The following ABCC12 variants were observed in gnomAD, a reference collection of about 807,000 sequenced individuals.
The protein encoded by ABCC12 is ATP-binding cassette sub-family C member 12.
A neutral mutation model predicts 151.1 loss-of-function variants in ABCC12; 142 were observed. The ratio of observed to expected loss-of-function variants is 0.94; its 90% confidence interval spans 0.82 to 1.08. ABCC12 has a LOEUF of 1.08. Ranked by LOEUF, ABCC12 falls within the 50% of genes least tolerant of loss-of-function variation. The pLI, the probability that ABCC12 is intolerant of heterozygous loss-of-function variation, is 0.00. For missense variants in ABCC12, 1,638 were observed against 1,691.1 expected (o/e 0.97, Z 0.55); for synonymous variants, 645 against 646.4 (o/e 1.00, Z 0.03).
At chr16:48,117,981 C>A (rs955035924) in intron 13 of ABCC12, among the ~76,000 whole-genome samples, 2 of 152,200 alleles carry the variant, frequency 1.3e-5, no homozygotes, top group African/African-American at 4.8e-5. Flanking sequence ...GCTCTTTGGG[C>A]CTCTTGGCCT....
chr16:48,132,649 G>T (rs1964467183), intron 9 of ABCC12, among the ~76,000 whole-genome samples: 1 of 151,904 alleles, frequency 6.6e-6, no homozygotes, highest in Admixed American at 6.6e-5. Flanking sequence ...GTTATCTTTG[G>T]ATGTCCAGGC....
intron 13 of ABCC12, 147 bp downstream of exon 13, chr16:48,121,569 A>G: frequency 9.0e-7 from 1 of 1,114,784 alleles, no homozygotes; most frequent in Non-Finnish European, 1.2e-6. Flanking sequence ...GAAGAGGAAA[A>G]CCAGTGTCTG....
chr16:48,098,797 T>C (rs1356452174), intron 23 of ABCC12, among the ~76,000 whole-genome samples: 1 of 152,160 alleles, frequency 6.6e-6, no homozygotes, highest in Non-Finnish European at 1.5e-5. Flanking sequence ...AAGAAACTAT[T>C]AAAAGAAGGG....
intron 13 of ABCC12, among the ~76,000 whole-genome samples, chr16:48,117,699 TGGG>T (rs1963934510): frequency 6.6e-6 from 1 of 152,110 alleles, no homozygotes; most frequent in African/African-American, 2.4e-5. Context: ...CTGCAGTTAC[TGGG>T]GATGGCCTCC....
rs775170627 is a variant in ABCC12 at position 48,100,960 on chromosome 16, G to A, written c.2950C>T (p.Arg984Trp). The A allele has an allele frequency of 6.3e-5, 101 of 1,614,090 alleles. No individual in the cohort carries two copies. The highest frequency in any genetic ancestry group is 8.9e-5 in the East Asian group (4 of 44,886). ...GTGATGTGGGTGAACCAGGGTGACCGGCTGACATTCTCCACCTTCTTGAGC... is the reference window on the plus strand; with the variant it reads ...GTGATGTGGGTGAACCAGGGTGACCAGCTGACATTCTCCACCTTCTTGAGC... ...QELKKVENVSRSPWFTHITSS... is the reference protein window; with the variant it reads ...QELKKVENVSWSPWFTHITSS... The change falls in exon 23 of 31, where the codon CGG becomes TGG. Residue 984 changes from arginine to tryptophan, a missense_variant. Transcript: ENST00000311303.
chr16:48,099,927 T>A (rs1429226877), intron 23 of ABCC12, among the ~76,000 whole-genome samples: 1 of 152,124 alleles, frequency 6.6e-6, no homozygotes, highest in Non-Finnish European at 1.5e-5. Context: ...GGGCTTATTG[T>A]TACTGCAGTG....
chr16:48,119,306 T>C (rs1308637119), intron 13 of ABCC12, among the ~76,000 whole-genome samples: 1 of 152,246 alleles, frequency 6.6e-6, no homozygotes, highest in Non-Finnish European at 1.5e-5. Flanking sequence ...GTCATTTCTG[T>C]GCATTTCTTA....
intron 8 of ABCC12, among the ~76,000 whole-genome samples, chr16:48,137,759 G>C (rs1321476966): frequency 6.6e-6 from 1 of 152,224 alleles, no homozygotes; most frequent in African/African-American, 2.4e-5. Flanking sequence ...TTTAAAAAAA[G>C]TAAAACTACA....
At chr16:48,112,549 G>A (rs1366590528) in intron 15 of ABCC12, among the ~76,000 whole-genome samples, 1 of 152,036 alleles carries the variant, frequency 6.6e-6, no homozygotes, top group African/African-American at 2.4e-5. Flanking sequence ...GAGCCAAGAA[G>A]GTGCCACTGC....
At chr16:48,092,757 T>G (rs1025690961) in intron 24 of ABCC12, among the ~76,000 whole-genome samples, 3 of 152,012 alleles carry the variant, frequency 2.0e-5, no homozygotes, top group African/African-American at 7.3e-5. Flanking sequence ...AGCAGGTTGA[T>G]GTGGGAGAGG....
chr16:48,139,458 G>C (rs1246109075), intron 6 of ABCC12, 122 bp from the exon 7 acceptor site: 1 of 1,099,106 alleles, frequency 9.1e-7, no homozygotes, highest in Non-Finnish European at 1.3e-6. Context: ...TCTAAAGCAG[G>C]AAGGGGTCAC....
intron 2 of ABCC12, among the ~76,000 whole-genome samples, chr16:48,148,019 C>A (rs1284375484): frequency 2.0e-5 from 3 of 152,028 alleles, no homozygotes; most frequent in Non-Finnish European, 4.4e-5. Flanking sequence ...GCGATCTTGG[C>A]TAACTGCAAC....
At chr16:48,127,881 T>C (rs1004290099) in intron 11 of ABCC12, among the ~76,000 whole-genome samples, 7 of 152,026 alleles carry the variant, frequency 4.6e-5, no homozygotes, top group African/African-American at 1.5e-4. Context: ...CTAGGAAACA[T>C]AGCAAGACCC....
At chr16:48,120,110 T>G (rs1485138310) in intron 13 of ABCC12, among the ~76,000 whole-genome samples, 4 of 152,116 alleles carry the variant, frequency 2.6e-5, no homozygotes, top group Non-Finnish European at 5.9e-5. Context: ...ATAAAGAAAA[T>G]GTGGTATATA....
chr16:48,111,021 G>A (rs1963666746), intron 18 of ABCC12, among the ~76,000 whole-genome samples: 1 of 152,202 alleles, frequency 6.6e-6, no homozygotes, highest in Non-Finnish European at 1.5e-5. Context: ...CATAAAGAGT[G>A]GGAAGCTCCG....
rs770873413 is a variant in ABCC12, at chr16:48,139,279, G to A, written c.715C>T (p.Pro239Ser). The A allele has an allele frequency of 6.8e-6, 11 of 1,613,920 alleles. No individual in the cohort carries two copies. The South Asian group carries it at 8.8e-5, about 13-fold the overall frequency. ...AGGATCGGGATGGTGGCTGGCAAAGGACAAAACAAGGCAGCTTCAAACAAA... is the reference window on the plus strand; with the variant it reads ...AGGATCGGGATGGTGGCTGGCAAAGAACAAAACAAGGCAGCTTCAAACAAA... Reference protein sequence around the residue: ...YSLFEAALFCPLPATIPILMV... With the variant: ...YSLFEAALFCSLPATIPILMV... Residue 239 changes from proline (P) to serine (S), a missense_variant, in exon 7 of 31, where the codon CCT (proline) becomes TCT (serine). By Grantham distance (74) the Pro-to-Ser change is moderately conservative (BLOSUM62 -1). Transcript: ENST00000311303.
chr16:48,105,190 G>C lies in ABCC12; in HGVS notation c.2622C>G (p.Thr874=). Residue 874 remains threonine, a synonymous_variant, in exon 21 of 31, where the codon ACC becomes ACG. Transcript: ENST00000311303. ...AGGAGGATGCCATCAGTGTGGTCTT[G>C]GTGAAGACGAAGCCTTTGGTGACGC... ...VFGVTKGFVF[T]KTTLMASSSL... 1.9e-6 allele frequency: 3 copies of C among 1,614,154 alleles called. No homozygotes were observed. The highest frequency in any genetic ancestry group is 2.5e-6 in the Non-Finnish European group (3 of 1,180,030).
Position 48,143,924 on chromosome 16 carries a change from G to T in ABCC12, c.261C>A (p.Asp87Glu), listed in dbSNP as rs745557828. The T allele has an allele frequency of 4.3e-6, 7 of 1,613,700 alleles. No individual in the cohort carries two copies. The highest frequency in any genetic ancestry group is 5.1e-6 in the Non-Finnish European group (6 of 1,179,796). The change falls in exon 4 of 31, where the codon GAC (aspartate) becomes GAA (glutamate). Residue 87 changes from aspartate (D) to glutamate (E), a missense_variant. Coordinates refer to ENST00000311303, the MANE Select transcript of ABCC12 (RefSeq NM_001393797.1). ...LPPLSTYDSS[D>E]TNAKRFRVLW... ...AATCCTGGTACCTTTTGGCATTGGT[G>T]TCAGATGAGTCATATGTCGACAATG... is the stretch of plus-strand genomic sequence containing the variant.
chr16:48,084,191 A>G lies in ABCC12; in HGVS notation c.3829-118T>C. The G allele has an allele frequency of 2.8e-6, 3 of 1,059,184 alleles. No homozygotes were observed. The South Asian group carries it at 4.9e-5, about 17-fold the overall frequency. 65.6% of individuals were successfully genotyped at this position (1,059,184 alleles called of 1,614,324 possible). ...AAAATAAGACCACAAGATGAAAAGTAATTAGCTAAACATCCATCTCAAAAA... is the reference window on the plus strand; with the variant it reads ...AAAATAAGACCACAAGATGAAAAGTGATTAGCTAAACATCCATCTCAAAAA... On this transcript the variant is annotated intron_variant, in intron 29 of 30. Transcript: ENST00000311303.
Sources: gnomAD v4.1 joint callset for allele counts (sites outside exome capture counted in the v4.1 genomes callset) on GRCh38, gnomAD v4.1.1 for gene constraint, MANE v1.5 for transcripts, NCBI Gene and HGNC (gene_info 2026-07-23, HGNC 2026-07-21) for gene names.